The following LHFPL4 variants were observed in gnomAD, a reference collection of about 807,000 sequenced individuals.
LHFPL4 encodes LHFPL tetraspan subfamily member 4.
A neutral mutation model predicts 20.0 loss-of-function variants in LHFPL4; 6 were observed. That is an observed-to-expected ratio of 0.30 (90% CI 0.16 to 0.59). The LOEUF is 0.59. LHFPL4 is among the 20% of genes least tolerant of loss of function. LHFPL4 has a pLI of 0.88. For missense variants in LHFPL4, 215 were observed against 331.2 expected (o/e 0.65, Z 2.72); for synonymous variants, 129 against 143.8 (o/e 0.90, Z 0.74).
rs1390200587 is a variant in LHFPL4 at position 9,500,386 on chromosome 3, C to G, written c.*1825G>C. The G allele has an allele frequency of 6.6e-6, 1 of 152,398 alleles. No homozygotes were observed. The highest frequency in any genetic ancestry group is 1.5e-5 in the Non-Finnish European group (1 of 68,212). The allele number at this position is 152,398 out of a possible 1,614,324, so 9.4% of individuals were successfully genotyped here. On this transcript the variant is annotated 3_prime_UTR_variant, in exon 4 of 4. Transcript: ENST00000287585. ...GCGCCGGCGGGGAAGGGGAGCCCAG[C>G]GCTGGGACCAGAGCACTGCGGGGAG...
intron 2 of LHFPL4, among the ~76,000 whole-genome samples, chr3:9,529,835 C>T (rs1403872501): frequency 6.6e-6 from 1 of 151,210 alleles, no homozygotes; most frequent in African/African-American, 2.4e-5. Context: ...GTTTCACCAT[C>T]TTGGCCATGC....
At chr3:9,542,679 C>T (rs1168612866) in intron 2 of LHFPL4, among the ~76,000 whole-genome samples, 8 of 151,400 alleles carry the variant, frequency 5.3e-5, no homozygotes, top group Non-Finnish European at 1.0e-4. Flanking sequence ...CATGGTGACA[C>T]GTGCCAGTAG....
intron 2 of LHFPL4, among the ~76,000 whole-genome samples, chr3:9,523,517 G>A (rs1174578802): frequency 6.6e-6 from 1 of 151,382 alleles, no homozygotes; most frequent in Non-Finnish European, 1.5e-5. Flanking sequence ...CTGTCCGCCA[G>A]GCTGGAATGC....
At chr3:9,533,724 G>A (rs1202486484) in intron 2 of LHFPL4, among the ~76,000 whole-genome samples, 4 of 152,200 alleles carry the variant, frequency 2.6e-5, no homozygotes, top group Non-Finnish European at 5.9e-5. Flanking sequence ...GGAGCTTGCA[G>A]TGAGCTGAGA....
intron 2 of LHFPL4, among the ~76,000 whole-genome samples, chr3:9,540,245 AG>A (rs2046469036): frequency 6.6e-6 from 1 of 152,236 alleles, no homozygotes; most frequent in Non-Finnish European, 1.5e-5. Context: ...GTTAAGAAAA[AG>A]GTGGCTCTTT....
At chr3:9,517,248 T>G (rs1421852283) in intron 2 of LHFPL4, among the ~76,000 whole-genome samples, 1 of 152,144 alleles carries the variant, frequency 6.6e-6, no homozygotes, top group East Asian at 1.9e-4. Flanking sequence ...ACAGAATAAC[T>G]TGCCAGGATT....
At chr3:9,502,396 C>T (rs2046183440) in intron 3 of LHFPL4, 85 bp from the exon 4 acceptor site, 6 of 999,008 alleles carry the variant, frequency 6.0e-6, no homozygotes, top group Non-Finnish European at 9.4e-6. Flanking sequence ...CTTGCACATT[C>T]CCCAGGGCAC....
At chr3:9,512,512 T>C (rs2046267999) in intron 2 of LHFPL4, among the ~76,000 whole-genome samples, 1 of 152,186 alleles carries the variant, frequency 6.6e-6, no homozygotes, top group Non-Finnish European at 1.5e-5. Flanking sequence ...TTTTTTGCAA[T>C]TTAACCATGA....
intron 2 of LHFPL4, among the ~76,000 whole-genome samples, chr3:9,532,336 ATTG>A (rs1250337332): frequency 7.4e-5 from 11 of 149,448 alleles, no homozygotes; most frequent in Admixed American, 1.3e-4. Flanking sequence ...GCCTTGAGTT[ATTG>A]TTATTATTAT....
intron 2 of LHFPL4, among the ~76,000 whole-genome samples, chr3:9,538,580 G>A (rs1416122814): frequency 1.3e-5 from 2 of 152,146 alleles, no homozygotes; most frequent in African/African-American, 4.8e-5. Context: ...AGCGCCATGA[G>A]GCAGTTATTA....
At chr3:9,525,640 T>C (rs569885158) in intron 2 of LHFPL4, among the ~76,000 whole-genome samples, 3 of 152,284 alleles carry the variant, frequency 2.0e-5, no homozygotes, top group Non-Finnish European at 4.4e-5. Context: ...TACTATGAAA[T>C]GCATTGCAAC....
intron 2 of LHFPL4, among the ~76,000 whole-genome samples, chr3:9,540,759 G>A (rs1233597240): frequency 6.6e-6 from 1 of 151,688 alleles, no homozygotes; most frequent in East Asian, 1.9e-4. Context: ...AAATTAATGA[G>A]GCATGGTGGT....
intron 1 of LHFPL4, among the ~76,000 whole-genome samples, chr3:9,553,479 A>G (rs1187232141): frequency 7.2e-6 from 1 of 139,336 alleles, no homozygotes; most frequent in Non-Finnish European, 1.5e-5. Flanking sequence ...GGTTGGAGAG[A>G]GGGGGTTTCC....
intron 3 of LHFPL4, among the ~76,000 whole-genome samples, chr3:9,505,052 C>T (rs1010409186): frequency 6.6e-6 from 1 of 151,832 alleles, no homozygotes; most frequent in Non-Finnish European, 1.5e-5. Context: ...GAACATGTCA[C>T]GTGTATTTAT....
chr3:9,536,976 C>T (rs1211414511), intron 2 of LHFPL4, among the ~76,000 whole-genome samples: 1 of 151,508 alleles, frequency 6.6e-6, no homozygotes, highest in African/African-American at 2.4e-5. Context: ...GTCCCAGCTA[C>T]TCAGGAGGCT....
At chr3:9,522,851 C>G (rs1170284571) in intron 2 of LHFPL4, among the ~76,000 whole-genome samples, 1 of 150,140 alleles carries the variant, frequency 6.7e-6, no homozygotes, top group Non-Finnish European at 1.5e-5. Flanking sequence ...ACCATCCTGG[C>G]TAACACAGTG....
chr3:9,516,781 C>CTTTT lies in LHFPL4; in HGVS notation c.407-10582_407-10579dup, dbSNP rs574431292. On this transcript the variant is annotated intron_variant, in intron 2 of 3. Transcript: ENST00000287585. ...GAGCCATTGCGCCCAGCCACACAAT[C>CTTTT]TTTTTTTTTTTTTTTTTTTTTGAGA... 4.5e-5 allele frequency among the ~76,000 whole-genome samples: 5 copies of CTTTT among 111,884 alleles called. 1 individual carries two copies. The highest frequency in any genetic ancestry group is 7.2e-5 in the African/African-American group (2 of 27,610). 73.4% of individuals were successfully genotyped at this position (111,884 alleles called of 152,430 possible).
In LHFPL4 at chr3:9,501,974, CTTAGGTCAAA is replaced by C. The variant is rs2046179830; in HGVS notation, c.*227_*236del. On this transcript the variant is annotated 3_prime_UTR_variant, in exon 4 of 4. Transcript: ENST00000287585. ...AAGGGCCTACGCAGATGCAGGCTCC[CTTAGGTCAAA>C]TTGAGGGAGGAGCAAGAATTAGACC... is the stretch of plus-strand genomic sequence containing the variant. 1.8e-6 allele frequency: 1 copy of C among 566,466 alleles called. No individual in the cohort carries two copies. The allele number at this position is 566,466 out of a possible 1,614,324, so 35.1% of individuals were successfully genotyped here.
intron 3 of LHFPL4, among the ~76,000 whole-genome samples, chr3:9,504,733 T>A (rs149207796): frequency 6.7e-6 from 1 of 149,676 alleles, no homozygotes; most frequent in Non-Finnish European, 1.5e-5. Flanking sequence ...GCTGAGGCAG[T>A]AGAATGGTGT....
Sources: gnomAD v4.1 joint callset for allele counts (sites outside exome capture counted in the v4.1 genomes callset) on GRCh38, gnomAD v4.1.1 for gene constraint, MANE v1.5 for transcripts, NCBI Gene and HGNC (gene_info 2026-07-23, HGNC 2026-07-21) for gene names.